The following DOCK7 variants were observed in gnomAD, a reference collection of about 807,000 sequenced individuals.
The protein encoded by DOCK7 is dedicator of cytokinesis 7.
DOCK7 carries 138 observed loss-of-function variants against 271.0 expected under a neutral mutation model. The ratio of observed to expected loss-of-function variants is 0.51; its 90% CI spans 0.44 to 0.59. The LOEUF (loss-of-function observed/expected upper bound fraction) is 0.59, where lower values mean the gene tolerates loss of function less well. Among genes scored for constraint, DOCK7 ranks in the 20% least tolerant of loss-of-function variants. The pLI, the probability that DOCK7 is intolerant of heterozygous loss-of-function variation, is 0.00. For synonymous variants in DOCK7, 823 were observed against 876.1 expected (o/e 0.94, Z 1.07); for missense variants, 2,066 against 2,592.4 (o/e 0.80, Z 4.41).
At chr1:62,527,415 G>T (rs879432666) in intron 31 of DOCK7, among the ~76,000 whole-genome samples, 7 of 152,106 alleles carry the variant, frequency 4.6e-5, no homozygotes, top group Non-Finnish European at 8.8e-5. Context: ...ACATGCACAC[G>T]TATGTTTATT....
intron 15 of DOCK7, chr1:62,584,711 G>T: frequency 8.5e-7 from 1 of 1,170,688 alleles, no homozygotes; most frequent in Admixed American, 2.2e-5. Flanking sequence ...ATATAGACAT[G>T]AGTAAGACAT....
At chr1:62,623,652 T>C (rs1653565009) in intron 12 of DOCK7, among the ~76,000 whole-genome samples, 2 of 152,210 alleles carry the variant, frequency 1.3e-5, no homozygotes, top group Admixed American at 6.5e-5. Context: ...GGAAGTAACA[T>C]ACCTGCAAGG....
chr1:62,539,513 T>A, intron 27 of DOCK7, 32 bp downstream of exon 27: 4 of 1,514,596 alleles, frequency 2.6e-6, no homozygotes, highest in Non-Finnish European at 3.6e-6. Context: ...TTTAAATTAT[T>A]TGATTACTAA....
chr1:62,494,745 T>C, intron 39 of DOCK7: 1 of 272,074 alleles, frequency 3.7e-6, no homozygotes, highest in Admixed American at 5.3e-5. Flanking sequence ...AGGGAAAAAG[T>C]ATGGAAATTT....
chr1:62,564,655 A>G (rs1266655171), intron 18 of DOCK7, among the ~76,000 whole-genome samples: 4 of 152,194 alleles, frequency 2.6e-5, no homozygotes, highest in Admixed American at 6.5e-5. Flanking sequence ...GAGAAGCAAG[A>G]GTAAATAAAG....
intron 45 of DOCK7, 27 bp from the exon 46 acceptor site, chr1:62,475,970 C>G: frequency 6.2e-7 from 1 of 1,608,142 alleles, no homozygotes; most frequent in Non-Finnish European, 8.5e-7. Flanking sequence ...TCCTTCATTT[C>G]CTCACTGTTA....
chr1:62,582,604 A>C (rs9436224), intron 16 of DOCK7, among the ~76,000 whole-genome samples: 55,609 of 136,584 alleles, frequency 0.41, 12,491 homozygotes, highest in African/African-American at 0.63. Flanking sequence ...TGTGGGCCCC[A>C]AAAAAAAAAA....
At chr1:62,618,304 A>C (rs1652709671) in intron 14 of DOCK7, among the ~76,000 whole-genome samples, 1 of 152,202 alleles carries the variant, frequency 6.6e-6, no homozygotes, top group African/African-American at 2.4e-5. Context: ...AGATTCTGCT[A>C]CTAAAAACAT....
intron 34 of DOCK7, 143 bp from the exon 35 acceptor site, chr1:62,508,201 G>C (rs1166043958): frequency 1.4e-6 from 1 of 738,272 alleles, no homozygotes; most frequent in Non-Finnish European, 2.1e-6. Flanking sequence ...TAAGAAAAAA[G>C]GCAGTAGTTT....
intron 1 of DOCK7, among the ~76,000 whole-genome samples, chr1:62,671,470 G>T (rs1659994944): frequency 6.6e-6 from 1 of 152,026 alleles, no homozygotes; most frequent in African/African-American, 2.4e-5. Flanking sequence ...AAGACAATGG[G>T]GAGAGAGAGA....
Position 62,508,102 on chromosome 1 carries a change from A to G in DOCK7, c.4380-44T>C, listed in dbSNP as rs758190719. The G allele has an allele frequency of 1.5e-5, 23 of 1,521,952 alleles. No homozygotes were observed. In the Admixed American group the frequency reaches 5.0e-4, roughly 33 times the overall value. 94.3% of individuals were successfully genotyped at this position (1,521,952 alleles called of 1,614,324 possible). A position where few individuals can be genotyped will look rare whatever the true frequency, so the allele number is the denominator to read the frequency against. ...AGAAATTATATTTATCTTTTTGAAA[A>G]CTACAATTCTGAAAAGACTTAAGGA... On this transcript the variant is annotated intron_variant, in intron 34 of 49. Coordinates refer to ENST00000635253, the MANE Select transcript of DOCK7 (RefSeq NM_001367561.1).
chr1:62,515,436 G>A (rs554491428), intron 31 of DOCK7, among the ~76,000 whole-genome samples: 63 of 152,242 alleles, frequency 4.1e-4, no homozygotes, highest in Non-Finnish European at 6.0e-4. Context: ...TTTTATAGCC[G>A]AACTTTCAGA....
chr1:62,478,071 G>A, intron 43 of DOCK7: 1 of 379,710 alleles, frequency 2.6e-6, no homozygotes, highest in Non-Finnish European at 4.6e-6. Flanking sequence ...ATATTTTTCG[G>A]AGTTTGTACG....
intron 29 of DOCK7, among the ~76,000 whole-genome samples, chr1:62,529,829 C>G (rs1186075080): frequency 2.0e-5 from 3 of 152,182 alleles, no homozygotes; most frequent in Admixed American, 2.0e-4. Flanking sequence ...CAAATCAGAT[C>G]TTTTCACATT....
At chr1:62,509,794 T>C (rs1644428531) in intron 34 of DOCK7, among the ~76,000 whole-genome samples, 1 of 152,152 alleles carries the variant, frequency 6.6e-6, no homozygotes, top group African/African-American at 2.4e-5. Flanking sequence ...ATTGTGAAAG[T>C]TTATTTGTGA....
chr1:62,539,509 T>A, intron 27 of DOCK7, 36 bp downstream of exon 27: 1 of 1,506,194 alleles, frequency 6.6e-7, no homozygotes, highest in Non-Finnish European at 9.1e-7. Flanking sequence ...AGTATTTAAA[T>A]TATTTGATTA....
intron 40 of DOCK7, among the ~76,000 whole-genome samples, chr1:62,493,387 T>C (rs572204230): frequency 2.0e-4 from 30 of 152,312 alleles, no homozygotes; most frequent in African/African-American, 7.2e-4. Context: ...TTCATCAACT[T>C]TTGAAGTAGA....
chr1:62,628,743 G>A (rs1280312306), intron 11 of DOCK7: 2 of 152,072 alleles, frequency 1.3e-5, no homozygotes, highest in Non-Finnish European at 2.9e-5. Context: ...ATACCATCAA[G>A]AAAAGTGAAC....
At chr1:62,477,018 G>T (rs554306968) in intron 44 of DOCK7, 1 of 152,288 alleles carries the variant, frequency 6.6e-6, no homozygotes, top group East Asian at 1.9e-4. Flanking sequence ...TGGGGATCTT[G>T]TTAAAATGCA....
Sources: gnomAD v4.1 joint callset for allele counts (sites outside exome capture counted in the v4.1 genomes callset) on GRCh38, gnomAD v4.1.1 for gene constraint, MANE v1.5 for transcripts, NCBI Gene and HGNC (gene_info 2026-07-23, HGNC 2026-07-21) for gene names.